The following ASIC2 variants were observed in gnomAD, a reference collection of about 807,000 sequenced individuals.
The protein encoded by ASIC2 is acid-sensing ion channel 2.
In ASIC2, 25 loss-of-function variants were observed where a neutral mutation model predicts 57.3. The ratio of observed to expected loss-of-function variants is 0.44; its 90% CI spans 0.32 to 0.61. The LOEUF (loss-of-function observed/expected upper bound fraction) is 0.61, where lower values mean the gene tolerates loss of function less well. Ranked by LOEUF, ASIC2 falls within the 20% of genes least tolerant of loss-of-function variation. The pLI is 0.06. For synonymous variants in ASIC2, 319 were observed against 307.5 expected (o/e 1.04, Z -0.39); for missense variants, 641 against 738.1 (o/e 0.87, Z 1.52).
chr17:33,028,176 T>G, intron 4 of ASIC2, 66 bp downstream of exon 4: 27 of 1,566,240 alleles, frequency 1.7e-5, no homozygotes, highest in Non-Finnish European at 2.3e-5. Flanking sequence ...CCCATTAGGA[T>G]GAGAAATGCA....
At chr17:33,930,929 A>G (rs552636354) in intron 1 of ASIC2, among the ~76,000 whole-genome samples, 12 of 152,152 alleles carry the variant, frequency 7.9e-5, no homozygotes, top group African/African-American at 2.2e-4. Context: ...TTGTTTATTT[A>G]TTTATTTTAG....
At chr17:33,589,433 A>G (rs574475843) in intron 1 of ASIC2, among the ~76,000 whole-genome samples, 14 of 152,306 alleles carry the variant, frequency 9.2e-5, no homozygotes, top group Admixed American at 4.6e-4. Context: ...TACATACACA[A>G]TGCTATACAA....
At chr17:34,080,150 G>A (rs1275500463) in intron 1 of ASIC2, among the ~76,000 whole-genome samples, 1 of 152,158 alleles carries the variant, frequency 6.6e-6, no homozygotes, top group Non-Finnish European at 1.5e-5. Context: ...GTTTCTAAAA[G>A]GGACCATTAA....
chr17:33,612,157 A>G (rs1348374303), intron 1 of ASIC2, among the ~76,000 whole-genome samples: 1 of 149,764 alleles, frequency 6.7e-6, no homozygotes, highest in Non-Finnish European at 1.5e-5. Context: ...CCCACATTGC[A>G]GAGGGCAATC....
chr17:33,398,832 C>A (rs1910175918), intron 1 of ASIC2, among the ~76,000 whole-genome samples: 1 of 152,140 alleles, frequency 6.6e-6, no homozygotes, highest in African/African-American at 2.4e-5. Flanking sequence ...AAGACAGAAC[C>A]AAGATGGCAA....
chr17:33,114,194 A>T (rs972539063), intron 1 of ASIC2, among the ~76,000 whole-genome samples: 2 of 152,224 alleles, frequency 1.3e-5, no homozygotes. Context: ...GGCAGAGGAG[A>T]ACAGCTGGAA....
At chr17:33,644,457 G>A (rs2142035594) in intron 1 of ASIC2, among the ~76,000 whole-genome samples, 1 of 152,264 alleles carries the variant, frequency 6.6e-6, no homozygotes, top group Non-Finnish European at 1.5e-5. Flanking sequence ...CTCCTGTGAT[G>A]TTTCATTAGC....
intron 1 of ASIC2, among the ~76,000 whole-genome samples, chr17:33,272,089 C>G (rs1391001087): frequency 1.3e-5 from 2 of 152,200 alleles, no homozygotes; most frequent in Non-Finnish European, 1.5e-5. Flanking sequence ...TGATTGCATC[C>G]CCCTATCATT....
chr17:33,124,762 C>G lies in ASIC2; in HGVS notation c.709-12695G>C, dbSNP rs879695155. 4.5e-4 allele frequency among the ~76,000 whole-genome samples: 68 copies of G among 152,112 alleles called. 1 individual carries two copies. The highest frequency in any genetic ancestry group is 1.2e-4 in the Non-Finnish European group (8 of 68,032). On this transcript the variant is annotated intron_variant, in intron 1 of 9. Coordinates refer to ENST00000225823, the MANE Select transcript of ASIC2 (RefSeq NM_183377.2). Reference sequence around the variant, plus strand: ...ATGACATTTGTTGTGCACTTTATTTCTATTATTATTACATTTTAAAATATA... The same window carrying G: ...ATGACATTTGTTGTGCACTTTATTTGTATTATTATTACATTTTAAAATATA...
chr17:33,636,375 G>A (rs766163602), intron 1 of ASIC2, among the ~76,000 whole-genome samples: 6 of 152,118 alleles, frequency 3.9e-5, no homozygotes, highest in African/African-American at 9.7e-5. Context: ...CGTGCCTTAG[G>A]GGGAAGAAGG....
intron 1 of ASIC2, among the ~76,000 whole-genome samples, chr17:33,538,723 G>A (rs1255090581): frequency 6.6e-6 from 1 of 152,138 alleles, no homozygotes; most frequent in Non-Finnish European, 1.5e-5. Context: ...CAATGCCTGT[G>A]GAATGGAATT....
intron 1 of ASIC2, among the ~76,000 whole-genome samples, chr17:33,290,424 C>G (rs758079917): frequency 6.6e-6 from 1 of 152,246 alleles, no homozygotes; most frequent in African/African-American, 2.4e-5. Flanking sequence ...CATTTACACA[C>G]GAATGGCTGG....
At chr17:33,665,064 A>C (rs899490120) in intron 1 of ASIC2, among the ~76,000 whole-genome samples, 9 of 152,168 alleles carry the variant, frequency 5.9e-5, no homozygotes, top group African/African-American at 2.2e-4. Flanking sequence ...AGACAAAGAA[A>C]CAAGAGGCTC....
intron 1 of ASIC2, among the ~76,000 whole-genome samples, chr17:33,136,155 T>A (rs2092366237): frequency 1.3e-5 from 2 of 152,106 alleles, no homozygotes; most frequent in Non-Finnish European, 2.9e-5. Flanking sequence ...GTACTGGGGG[T>A]GTGGATGTGT....
intron 1 of ASIC2, among the ~76,000 whole-genome samples, chr17:33,504,111 A>C (rs1914178557): frequency 6.6e-6 from 1 of 152,254 alleles, no homozygotes; most frequent in African/African-American, 2.4e-5. Context: ...AGCTAGCATT[A>C]ACTGAGCACC....
intron 1 of ASIC2, among the ~76,000 whole-genome samples, chr17:33,915,881 G>T (rs949616684): frequency 6.6e-6 from 1 of 152,212 alleles, no homozygotes; most frequent in Non-Finnish European, 1.5e-5. Flanking sequence ...GCATAGGTGA[G>T]ATTGAAGGCA....
At chr17:33,135,736 C>G (rs2092364702) in intron 1 of ASIC2, among the ~76,000 whole-genome samples, 1 of 152,170 alleles carries the variant, frequency 6.6e-6, no homozygotes, top group Admixed American at 6.5e-5. Flanking sequence ...GCAAGGGGGG[C>G]TGGCAATCCT....
chr17:34,066,647 G>T lies in ASIC2; in HGVS notation c.555+89331C>A, dbSNP rs187065427. On this transcript the variant is annotated intron_variant, in intron 1 of 9. Transcript: ENST00000359872. Reference sequence around the variant, plus strand: ...GCATTATGTCCCATACAATTATTTGGGTATTGTCCATGACATCTATCATGA... The same window carrying T: ...GCATTATGTCCCATACAATTATTTGTGTATTGTCCATGACATCTATCATGA... Among the ~76,000 whole-genome samples the T allele has an allele frequency of 2.6e-4, 39 of 152,246 alleles. No individual in the cohort carries two copies. The East Asian group carries it at 6.2e-3, about 24-fold the overall frequency.
chr17:34,017,331 A>T (rs1453375596), intron 1 of ASIC2, among the ~76,000 whole-genome samples: 1 of 152,180 alleles, frequency 6.6e-6, no homozygotes, highest in African/African-American at 2.4e-5. Flanking sequence ...ATGTGTTCTG[A>T]CTGCTTAACC....
Sources: allele counts gnomAD v4.1 joint callset (sites outside exome capture counted in the v4.1 genomes callset), GRCh38; gene constraint gnomAD v4.1.1; transcripts MANE v1.5; gene names NCBI Gene and HGNC (gene_info 2026-07-23, HGNC 2026-07-21).